NUFIP1: variants seen among roughly 807,000 people sequenced by gnomAD.
The protein encoded by NUFIP1 is nuclear FMR1 interacting protein 1.
NUFIP1 carries 38 observed loss-of-function variants against 56.2 expected under a neutral mutation model. The observed-to-expected ratio is 0.68, with a 90% CI of 0.52 to 0.89. The LOEUF is 0.89. Ranked by LOEUF, NUFIP1 falls within the 40% of genes least tolerant of loss-of-function variation. The pLI is 0.00. For synonymous variants in NUFIP1, 215 were observed against 212.4 expected, an observed-to-expected ratio of 1.01 and a Z score of -0.10; for missense variants, 567 against 605.8, an observed-to-expected ratio of 0.94 and a Z score of 0.67.
rs777799537 is a variant in NUFIP1 at position 44,979,885 on chromosome 13, C to G, written c.657+5G>C. 6.3e-7 allele frequency: 1 copy of G among 1,589,938 alleles called. No homozygotes were observed. The highest frequency in any genetic ancestry group is 1.2e-5 in the South Asian group (1 of 85,594). ...TTAAAAATAGGATAAAAAAACAGAA[C>G]TTACATTTCTCCAATGGAACTGGAC... On this transcript the variant is annotated splice_donor_5th_base_variant and intron_variant, in intron 4 of 9. Coordinates refer to ENST00000379161, the MANE Select transcript of NUFIP1 (RefSeq NM_012345.3).
chr13:44,976,454 G>A (rs1871984642), intron 5 of NUFIP1, among the ~76,000 whole-genome samples: 1 of 150,582 alleles, frequency 6.6e-6, no homozygotes, highest in African/African-American at 2.5e-5. Context: ...AGGAGGAAGA[G>A]GAAGAAGAAA....
intron 5 of NUFIP1, among the ~76,000 whole-genome samples, chr13:44,966,744 T>C (rs1166581256): frequency 6.6e-6 from 1 of 151,532 alleles, no homozygotes; most frequent in Non-Finnish European, 1.5e-5. Context: ...GAGGTTGAGG[T>C]GGGCGGATCA....
At chr13:44,983,093 G>A (rs764143422) in intron 1 of NUFIP1, among the ~76,000 whole-genome samples, 7 of 152,084 alleles carry the variant, frequency 4.6e-5, no homozygotes, top group South Asian at 2.1e-4. Context: ...GGGCTCAACC[G>A]ATCTGCCTGC....
intron 7 of NUFIP1, among the ~76,000 whole-genome samples, chr13:44,950,638 G>A (rs192827904): frequency 3.5e-4 from 53 of 152,274 alleles, no homozygotes; most frequent in African/African-American, 1.3e-3. Flanking sequence ...GTGAGCCACT[G>A]TGACCAGCCC....
chr13:44,959,306 G>A (rs1871340834), intron 7 of NUFIP1, 75 bp downstream of exon 7: 6 of 1,372,092 alleles, frequency 4.4e-6, no homozygotes, highest in Non-Finnish European at 6.1e-6. Flanking sequence ...CTTTCCACAA[G>A]CAAGGCTGTG....
chr13:44,955,238 C>T (rs911986162), intron 7 of NUFIP1, among the ~76,000 whole-genome samples: 2 of 152,192 alleles, frequency 1.3e-5, no homozygotes. Context: ...AATCTAATGA[C>T]AGACAATAAG....
Position 44,980,812 on chromosome 13 carries a change from C to T in NUFIP1, c.504G>A (p.Lys168=). 6.3e-7 allele frequency: 1 copy of T among 1,592,120 alleles called. No homozygotes were observed. The highest frequency in any genetic ancestry group is 8.5e-7 in the Non-Finnish European group (1 of 1,174,374). The change falls in exon 3 of 10, where the codon AAG becomes AAA. Residue 168 remains lysine, a synonymous_variant. Transcript: ENST00000379161. ...PSRKQKKKKR[K]EPVFHFFCDT... ...CACAAAAAAAGTGAAAAACTGGTTC[C>T]TTTCTTTTCTGCAAACAAAAACAGA...
chr13:44,956,268 G>C (rs1292627767), intron 7 of NUFIP1, among the ~76,000 whole-genome samples: 1 of 54,422 alleles, frequency 1.8e-5, no homozygotes, highest in Admixed American at 2.3e-4. Flanking sequence ...GCCTGACTTA[G>C]GACATATGAA....
intron 5 of NUFIP1, 104 bp from the exon 6 acceptor site, chr13:44,966,040 C>T (rs1871589715): frequency 2.0e-6 from 1 of 498,084 alleles, no homozygotes; most frequent in African/African-American, 2.0e-5. Flanking sequence ...ACACCTAACA[C>T]AGCAAATTAT....
At chr13:44,965,693 C>A (rs1261019479) in intron 6 of NUFIP1, 151 bp downstream of exon 6, 2 of 272,016 alleles carry the variant, frequency 7.4e-6, no homozygotes, top group Non-Finnish European at 1.3e-5. Context: ...GACTCCATCT[C>A]AAAAAAATAA....
At chr13:44,984,955 T>C (rs190325781) in intron 1 of NUFIP1, among the ~76,000 whole-genome samples, 38 of 152,224 alleles carry the variant, frequency 2.5e-4, no homozygotes, top group Admixed American at 9.2e-4. Context: ...AGAGAACATG[T>C]GGTGTTTGGT....
chr13:44,973,865 C>A (rs7987761), intron 5 of NUFIP1, among the ~76,000 whole-genome samples: 12,803 of 152,110 alleles, frequency 0.084, 910 homozygotes, highest in African/African-American at 0.18. Flanking sequence ...TTCACAAACC[C>A]TGTATGAGAT....
At chr13:44,975,550 C>T (rs947087657) in intron 5 of NUFIP1, among the ~76,000 whole-genome samples, 1 of 152,168 alleles carries the variant, frequency 6.6e-6, no homozygotes, top group East Asian at 1.9e-4. Context: ...TCTCTCCATC[C>T]CCACAACTGC....
At chr13:44,983,189 G>A (rs1017046695) in intron 1 of NUFIP1, among the ~76,000 whole-genome samples, 8 of 151,792 alleles carry the variant, frequency 5.3e-5, no homozygotes, top group Non-Finnish European at 5.9e-5. Context: ...TTTTTTTGGC[G>A]GGGGAGATGC....
chr13:44,955,936 G>T (rs1347145685), intron 7 of NUFIP1, among the ~76,000 whole-genome samples: 1 of 151,792 alleles, frequency 6.6e-6, no homozygotes, highest in Non-Finnish European at 1.5e-5. Context: ...GAGGTCAGGA[G>T]ATCGAGACCA....
chr13:44,960,508 C>T (rs902993169), intron 6 of NUFIP1, among the ~76,000 whole-genome samples: 3 of 152,112 alleles, frequency 2.0e-5, no homozygotes, highest in African/African-American at 7.2e-5. Flanking sequence ...CTCAGGTGAT[C>T]CACCCACCTC....
chr13:44,978,265 A>G (rs919749036), intron 5 of NUFIP1, among the ~76,000 whole-genome samples: 1 of 152,226 alleles, frequency 6.6e-6, no homozygotes, highest in African/African-American at 2.4e-5. Context: ...CACCCACGAC[A>G]GTGGATTTAA....
At position 44,979,916 on chromosome 13, in the gene NUFIP1, T is replaced by G. The variant is rs1872126767; in HGVS notation, c.631A>C (p.Lys211Gln). Reference sequence around the variant, plus strand: ...TTTCTCCAATGGAACTGGACAATCTTCTCGTGTGCAGTAAAAGAGCAATCT... The same window carrying G: ...TTTCTCCAATGGAACTGGACAATCTGCTCGTGTGCAGTAAAAGAGCAATCT... Reference protein sequence around the residue: ...ELDCSFTAHEKIVQFHWRNMH... With the variant: ...ELDCSFTAHEQIVQFHWRNMH... Residue 211 changes from lysine to glutamine, a missense_variant, in exon 4 of 10, where the codon AAG (lysine) becomes CAG (glutamine). Coordinates refer to ENST00000379161, the MANE Select transcript of NUFIP1 (RefSeq NM_012345.3). 1.2e-6 allele frequency: 2 copies of G among 1,603,836 alleles called. No homozygotes were observed. The highest frequency in any genetic ancestry group is 2.7e-5 in the African/African-American group (2 of 74,326).
intron 7 of NUFIP1, 82 bp downstream of exon 7, chr13:44,959,299 T>G: frequency 7.6e-7 from 1 of 1,321,786 alleles, no homozygotes; most frequent in South Asian, 1.3e-5. Context: ...TATTAAACTT[T>G]CCACAAGCAA....
Sources: gnomAD v4.1 joint callset for allele counts (sites outside exome capture counted in the v4.1 genomes callset) on GRCh38, gnomAD v4.1.1 for gene constraint, MANE v1.5 for transcripts, NCBI Gene and HGNC (gene_info 2026-07-23, HGNC 2026-07-21) for gene names.